SEPTIN14: variants seen among roughly 807,000 people sequenced by gnomAD.
SEPTIN14 encodes septin 14, also known as septin-14.
SEPTIN14 carries 40 observed loss-of-function variants against 53.6 expected under a neutral mutation model. The ratio of observed to expected loss-of-function variants is 0.75; its 90% confidence interval spans 0.58 to 0.97. The LOEUF (loss-of-function observed/expected upper bound fraction) is 0.97. Ranked by LOEUF, SEPTIN14 falls within the 50% of genes least tolerant of loss-of-function variation. SEPTIN14 has a pLI of 0.00. For synonymous variants in SEPTIN14, 138 were observed against 166.8 expected (o/e 0.83, Z 1.33); for missense variants, 471 against 508.2 (o/e 0.93, Z 0.70).
At chr7:55,820,774 T>C (rs1788879626) in intron 6 of SEPTIN14, among the ~76,000 whole-genome samples, 1 of 152,034 alleles carries the variant, frequency 6.6e-6, no homozygotes, top group South Asian at 2.1e-4. Flanking sequence ...ACCCCGTCTC[T>C]ACTAAAAATA....
intron 5 of SEPTIN14, among the ~76,000 whole-genome samples, chr7:55,842,549 G>A (rs1247309819): frequency 1.3e-5 from 2 of 151,306 alleles, no homozygotes; most frequent in Non-Finnish European, 2.9e-5. Context: ...GCTGCAGTGA[G>A]CTATGATGAC....
At chr7:55,846,369 G>A (rs1789409943) in intron 3 of SEPTIN14, 148 bp downstream of exon 3, 4 of 594,940 alleles carry the variant, frequency 6.7e-6, no homozygotes, top group Non-Finnish European at 1.1e-5. Context: ...AAAAATAAAA[G>A]GATTACATAA....
chr7:55,821,495 CA>C (rs1788896288), intron 6 of SEPTIN14, among the ~76,000 whole-genome samples: 1 of 152,058 alleles, frequency 6.6e-6, no homozygotes, highest in Non-Finnish European at 1.5e-5. Flanking sequence ...CCTGAATAGC[CA>C]AAAAAATATT....
At chr7:55,844,859 T>G (rs1789374722) in intron 3 of SEPTIN14, 141 bp from the exon 4 acceptor site, 2 of 417,872 alleles carry the variant, frequency 4.8e-6, no homozygotes, top group South Asian at 2.3e-4. Context: ...TACCAGAGGC[T>G]GGGGGAGCAG....
rs1789368047 is a variant in SEPTIN14, at chr7:55,844,555, T to C, written c.339A>G (p.Val113=). 1.3e-6 allele frequency: 2 copies of C among 1,592,690 alleles called. No homozygotes were observed. The highest frequency in any genetic ancestry group is 2.2e-5 in the East Asian group (1 of 44,634). ...CTTTGTCTATTTGATCACCATACCCTACTGTCTCCACAACAGTCAATTTCA... is the reference window on the plus strand; with the variant it reads ...CTTTGTCTATTTGATCACCATACCCCACTGTCTCCACAACAGTCAATTTCA... ...VQLKLTVVET[V]GYGDQIDKEA... The change falls in exon 4 of 10, where the codon GTA becomes GTG. Residue 113 remains valine (V), a synonymous_variant. Transcript: ENST00000388975.
intron 7 of SEPTIN14, among the ~76,000 whole-genome samples, chr7:55,808,834 G>C (rs1383983638): frequency 2.0e-5 from 3 of 152,070 alleles, no homozygotes; most frequent in Non-Finnish European, 2.9e-5. Context: ...TTACAGGCAT[G>C]AGCCACCACG....
chr7:55,854,670 C>T (rs1472316997), intron 2 of SEPTIN14, among the ~76,000 whole-genome samples: 3 of 152,194 alleles, frequency 2.0e-5, no homozygotes, highest in African/African-American at 4.8e-5. Flanking sequence ...CCTTGTGATC[C>T]GCCCACCTCG....
chr7:55,836,359 A>G (rs1256983373), intron 5 of SEPTIN14, among the ~76,000 whole-genome samples: 1 of 152,192 alleles, frequency 6.6e-6, no homozygotes, highest in Non-Finnish European at 1.5e-5. Flanking sequence ...CACAAAATCA[A>G]TATCTGTAAT....
intron 2 of SEPTIN14, among the ~76,000 whole-genome samples, chr7:55,851,731 G>A (rs181169433): frequency 3.7e-4 from 56 of 152,204 alleles, no homozygotes; most frequent in South Asian, 2.1e-3. Context: ...AAAATAGGCC[G>A]GGCGCGGTGG....
chr7:55,821,427 G>A (rs148583944), intron 6 of SEPTIN14, among the ~76,000 whole-genome samples: 1 of 152,228 alleles, frequency 6.6e-6, no homozygotes, highest in Non-Finnish European at 1.5e-5. Context: ...CCTTGGAGGA[G>A]AAACAGGCCA....
chr7:55,822,573 C>A (rs778307972), intron 6 of SEPTIN14, among the ~76,000 whole-genome samples: 2 of 151,258 alleles, frequency 1.3e-5, no homozygotes, highest in Non-Finnish European at 2.9e-5. Context: ...TAGAGCAGAG[C>A]AGAGAGCCCA....
At chr7:55,806,075 C>A (rs1276994451) in intron 8 of SEPTIN14, among the ~76,000 whole-genome samples, 1 of 152,116 alleles carries the variant, frequency 6.6e-6, no homozygotes, top group African/African-American at 2.4e-5. Flanking sequence ...CAGCTCACTG[C>A]AATCTCTGCT....
At chr7:55,820,580 G>T (rs1298457587) in intron 6 of SEPTIN14, among the ~76,000 whole-genome samples, 2 of 152,156 alleles carry the variant, frequency 1.3e-5, no homozygotes, top group African/African-American at 4.8e-5. Context: ...AGTGAATTGT[G>T]CAGGATCTTT....
chr7:55,854,135 T>A lies in SEPTIN14; in HGVS notation c.55-7498A>T, dbSNP rs527729772. 2.8e-3 allele frequency among the ~76,000 whole-genome samples: 423 copies of A among 151,990 alleles called. 5 individuals are homozygous for A. Among genetic ancestry groups the A allele is most frequent in the Middle Eastern group, 0.01 (3 of 294 alleles). ...AACCCTGTCTCAAAAAAAAAAAATTTAAAAATCAATAAACATATTTCACCA... is the reference window on the plus strand; with the variant it reads ...AACCCTGTCTCAAAAAAAAAAAATTAAAAAATCAATAAACATATTTCACCA... On this transcript the variant is annotated intron_variant, in intron 2 of 9. Transcript: ENST00000388975.
chr7:55,844,795 G>T, intron 3 of SEPTIN14, 77 bp from the exon 4 acceptor site: 1 of 693,940 alleles, frequency 1.4e-6, no homozygotes, highest in Non-Finnish European at 2.2e-6. Flanking sequence ...TCCTACGGTG[G>T]TTTTTAAAAT....
At chr7:55,826,220 C>A (rs1788985143) in intron 6 of SEPTIN14, among the ~76,000 whole-genome samples, 1 of 152,022 alleles carries the variant, frequency 6.6e-6, no homozygotes, top group South Asian at 2.1e-4. Flanking sequence ...TTCAAGTATA[C>A]AATGTTGTAT....
At chr7:55,816,491 A>G (rs1416809964) in intron 7 of SEPTIN14, among the ~76,000 whole-genome samples, 1 of 152,020 alleles carries the variant, frequency 6.6e-6, no homozygotes, top group East Asian at 1.9e-4. Flanking sequence ...AGGTATCCAC[A>G]AAAATTAAAA....
In SEPTIN14 at chr7:55,807,136, G is replaced by T; in HGVS notation, c.940C>A (p.Gln314Lys). The T allele has an allele frequency of 6.2e-7, 1 of 1,603,902 alleles. No homozygotes were observed. The highest frequency in any genetic ancestry group is 8.5e-7 in the Non-Finnish European group (1 of 1,176,988). ...CCCACATCTGTAAAGCCCATTTTCT[G>T]CAGTTTTTGGTACCTATAACATTCA... is the stretch of plus-strand genomic sequence containing the variant. ...HYECYRYQKL[Q>K]KMGFTDVGPN... Residue 314 changes from glutamine to lysine, a missense_variant, in exon 8 of 10, where the codon CAG becomes AAG. By Grantham distance (53) the Gln-to-Lys change is moderately conservative (BLOSUM62 1). Coordinates refer to ENST00000388975, the MANE Select transcript of SEPTIN14 (RefSeq NM_207366.3).
chr7:55,827,817 G>A (rs2116014886), intron 6 of SEPTIN14, among the ~76,000 whole-genome samples: 1 of 152,292 alleles, frequency 6.6e-6, no homozygotes, highest in Non-Finnish European at 1.5e-5. Flanking sequence ...TTACTGGCAT[G>A]GAGGTTAAAC....
Sources: allele counts gnomAD v4.1 joint callset (sites outside exome capture counted in the v4.1 genomes callset), GRCh38; gene constraint gnomAD v4.1.1; transcripts MANE v1.5; gene names NCBI Gene and HGNC (gene_info 2026-07-23, HGNC 2026-07-21).